Variants in SCRN3 observed in about 807,000 individuals in gnomAD.
SCRN3 encodes secernin 3, also known as secernin-3.
SCRN3 carries 39 observed loss-of-function variants against 43.1 expected under a neutral mutation model. The observed-to-expected ratio is 0.91, with a 90% CI of 0.70 to 1.18. The LOEUF is 1.18. SCRN3 is among the 50% of genes most tolerant of loss of function. The probability of loss-of-function intolerance (pLI) is 0.00; values close to 1 mark genes in which losing one functional copy is unlikely to be tolerated. For synonymous variants in SCRN3, 147 were observed against 163.1 expected (o/e 0.90, Z 0.75); for missense variants, 484 against 498.0 (o/e 0.97, Z 0.27).
chr2:174,423,463 AT>A (rs1464261097), intron 6 of SCRN3, among the ~76,000 whole-genome samples: 3 of 152,116 alleles, frequency 2.0e-5, no homozygotes, highest in Non-Finnish European at 2.9e-5. Context: ...TTCCAGTTTT[AT>A]TTAATTATTA....
chr2:174,422,939 T>G lies in SCRN3; in HGVS notation c.809T>G (p.Ile270Ser). 2 of 1,611,848 alleles carry G rather than the reference T, an allele frequency of 1.2e-6. No individual in the cohort carries two copies. Among genetic ancestry groups the G allele is most frequent in the Non-Finnish European group, 8.5e-7 (1 of 1,177,998 alleles). Residue 270 changes from isoleucine (I) to serine (S), a missense_variant, in exon 6 of 8, where the codon ATT becomes AGT. By Grantham distance (142) the Ile-to-Ser change is moderately radical. Coordinates refer to ENST00000272732, the MANE Select transcript of SCRN3 (RefSeq NM_024583.5). ...ATTCTTCGAGATAAACCAAGTGGCA[T>G]TAATATGGAGGGAGAATTCCTGACC... ...MEILRDKPSG[I>S]NMEGEFLTTA...
chr2:174,404,905 C>T (rs1405231923), intron 5 of SCRN3, among the ~76,000 whole-genome samples: 2 of 116,080 alleles, frequency 1.7e-5, no homozygotes, highest in East Asian at 5.1e-4. Flanking sequence ...TGAATAATGC[C>T]GCAATAAACA....
rs1250067296 is a variant in SCRN3, at chr2:174,424,548, C to T, written c.991C>T (p.Leu331Phe). ...LLDTSSPTFELEDLVKKKSHF... is the reference protein window; with the variant it reads ...LLDTSSPTFEFEDLVKKKSHF... ...GGATACCAGTTCACCAACATTTGAACTTGAAGATCTAGTTAAAAAGAAATC... is the reference window on the plus strand; with the variant it reads ...GGATACCAGTTCACCAACATTTGAATTTGAAGATCTAGTTAAAAAGAAATC... Residue 331 changes from leucine to phenylalanine, a missense_variant, in exon 7 of 8, where the codon CTT becomes TTT. Transcript: ENST00000272732. 10 of 1,613,108 alleles carry T rather than the reference C, an allele frequency of 6.2e-6. No individual in the cohort carries two copies. The Admixed American group carries it at 1.3e-4, about 22-fold the overall frequency.
intron 5 of SCRN3, among the ~76,000 whole-genome samples, chr2:174,417,249 C>G (rs1475181199): frequency 6.6e-6 from 1 of 151,890 alleles, no homozygotes; most frequent in Non-Finnish European, 1.5e-5. Context: ...TGTAACAAAC[C>G]TGCATGTCCT....
intron 5 of SCRN3, among the ~76,000 whole-genome samples, chr2:174,422,298 TG>T (rs943388895): frequency 1.3e-5 from 2 of 151,920 alleles, no homozygotes; most frequent in African/African-American, 4.8e-5. Flanking sequence ...ATAGGCTGGG[TG>T]CAGTGGCTCA....
intron 7 of SCRN3, among the ~76,000 whole-genome samples, chr2:174,424,988 C>T (rs2105630865): frequency 1.3e-5 from 2 of 152,230 alleles, no homozygotes; most frequent in South Asian, 2.1e-4. Context: ...GATAAAGTAT[C>T]TGAGTCTAGG....
At chr2:174,404,684 C>T (rs1574650078) in intron 5 of SCRN3, among the ~76,000 whole-genome samples, 1 of 124,474 alleles carries the variant, frequency 8.0e-6, no homozygotes, top group Non-Finnish European at 1.7e-5. Context: ...TCAATTCCCA[C>T]CTATGAGTGA....
At chr2:174,411,160 C>A (rs1434398062) in intron 5 of SCRN3, among the ~76,000 whole-genome samples, 3 of 152,136 alleles carry the variant, frequency 2.0e-5, no homozygotes, top group African/African-American at 7.2e-5. Context: ...AACTCTCAGC[C>A]ACATTTATTT....
chr2:174,423,947 C>A (rs1373847560), intron 6 of SCRN3, among the ~76,000 whole-genome samples: 2 of 151,972 alleles, frequency 1.3e-5, no homozygotes, highest in Middle Eastern at 3.4e-3. Context: ...TGCCACCATG[C>A]CTGGCTAATT....
chr2:174,425,420 C>G (rs981646168), intron 7 of SCRN3, among the ~76,000 whole-genome samples: 7 of 152,164 alleles, frequency 4.6e-5, no homozygotes, highest in Non-Finnish European at 7.4e-5. Flanking sequence ...CATCTTAAAT[C>G]TTTTCTCGTC....
In SCRN3 at chr2:174,424,618, A is replaced by G; in HGVS notation, c.1061A>G (p.Gln354Arg). 1 of 1,612,834 alleles carries G rather than the reference A, an allele frequency of 6.2e-7. No individual in the cohort carries two copies. Among genetic ancestry groups the G allele is most frequent in the Non-Finnish European group, 8.5e-7 (1 of 1,179,240 alleles). Residue 354 changes from glutamine (Q) to arginine (R), a missense_variant, in exon 7 of 8, where the codon CAA becomes CGA. Transcript: ENST00000272732. Reference sequence around the variant, plus strand: ...AGACACCCACTCTACCAAAAACATCAACAGGCATTGGAAGTAGTAAATAAT... The same window carrying G: ...AGACACCCACTCTACCAAAAACATCGACAGGCATTGGAAGTAGTAAATAAT... Reference protein sequence around the residue: ...DRRHPLYQKHQQALEVVNNNE... With the variant: ...DRRHPLYQKHRQALEVVNNNE...
intron 4 of SCRN3, among the ~76,000 whole-genome samples, chr2:174,403,527 C>T (rs56060417): frequency 0.19 from 29,554 of 151,996 alleles, 3,338 homozygotes; most frequent in Middle Eastern, 0.37. Flanking sequence ...ATATTACTCA[C>T]CAATAAAAAT....
At chr2:174,396,346 A>T (rs918290448) in intron 1 of SCRN3, 27 of 985,394 alleles carry the variant, frequency 2.7e-5, no homozygotes, top group Non-Finnish European at 3.0e-5. Context: ...AATTCTAACC[A>T]GGGGGCAAGT....
intron 5 of SCRN3, among the ~76,000 whole-genome samples, chr2:174,421,881 G>A (rs945440349): frequency 5.9e-5 from 9 of 152,174 alleles, no homozygotes; most frequent in Middle Eastern, 6.8e-3. Context: ...TCCTGCTTGC[G>A]TTAATTGGTA....
chr2:174,404,337 T>G (rs1685615370), intron 5 of SCRN3, 22 bp downstream of exon 5: 1 of 1,531,952 alleles, frequency 6.5e-7, no homozygotes, highest in Admixed American at 1.7e-5. Context: ...ATATAAATAA[T>G]ATTAGGATGA....
At chr2:174,399,547 C>T (rs996980615) in intron 2 of SCRN3, among the ~76,000 whole-genome samples, 2 of 152,190 alleles carry the variant, frequency 1.3e-5, no homozygotes, top group Non-Finnish European at 2.9e-5. Context: ...CCATCTTTCT[C>T]CTGAGCTCCA....
At chr2:174,418,888 A>T (rs1250759436) in intron 5 of SCRN3, among the ~76,000 whole-genome samples, 2 of 152,242 alleles carry the variant, frequency 1.3e-5, no homozygotes, top group Non-Finnish European at 2.9e-5. Context: ...TTATTTCTGT[A>T]ACAAGTTATC....
chr2:174,395,740 AC>A lies in SCRN3; in HGVS notation c.-86del, dbSNP rs1222836704. ...GGGGGAACTTCCGAGATCAAAGGTG[AC>A]AGCTTCCGGCAACTGATGCCTCCAC... On this transcript the variant is annotated 5_prime_UTR_variant, in exon 1 of 8. Transcript: ENST00000272732. 6.2e-7 allele frequency: 1 copy of A among 1,601,572 alleles called. No individual in the cohort carries two copies. Among genetic ancestry groups the A allele is most frequent in the South Asian group, 1.1e-5 (1 of 89,818 alleles).
At chr2:174,423,820 C>CT (rs1686386433) in intron 6 of SCRN3, among the ~76,000 whole-genome samples, 1 of 131,234 alleles carries the variant, frequency 7.6e-6, no homozygotes, top group South Asian at 2.5e-4. Flanking sequence ...GGGCCTTGCT[C>CT]TGTCACCCAG....
Sources: allele counts gnomAD v4.1 joint callset (sites outside exome capture counted in the v4.1 genomes callset), GRCh38; gene constraint gnomAD v4.1.1; transcripts MANE v1.5; gene names NCBI Gene and HGNC (gene_info 2026-07-23, HGNC 2026-07-21).